Variants in VPS13B observed in about 807,000 individuals in gnomAD.
VPS13B encodes the protein intermembrane lipid transfer protein VPS13B.
Under a neutral mutation model 426.4 loss-of-function variants are expected in VPS13B, and 285 were observed. The ratio of observed to expected loss-of-function variants is 0.67; its 90% CI spans 0.61 to 0.74. The LOEUF (loss-of-function observed/expected upper bound fraction) is 0.74. Among genes scored for constraint, VPS13B ranks in the 30% least tolerant of loss-of-function variants. VPS13B has a pLI of 0.00. For synonymous variants in VPS13B, 1,676 were observed against 1,676.4 expected (o/e 1.00, Z 0.01); for missense variants, 4,537 against 4,782.6 (o/e 0.95, Z 1.51).
chr8:99,115,774 A>G lies in VPS13B; in HGVS notation c.837A>G (p.Gln279=). 3.1e-6 allele frequency: 5 copies of G among 1,613,734 alleles called. No homozygotes were observed. In the East Asian group the frequency reaches 6.7e-5, roughly 22 times the overall value. Residue 279 remains glutamine, a synonymous_variant, in exon 7 of 62, where the codon CAA becomes CAG. Coordinates refer to ENST00000357162, the MANE Select transcript of VPS13B (RefSeq NM_152564.5). ...TGCCTATGTTTATTCGTATAATGCA[A>G]CTTGGAATTGCTCTTTACTATGGAG... is the stretch of plus-strand genomic sequence containing the variant. ...QQLPMFIRIM[Q]LGIALYYGEI...
intron 21 of VPS13B, among the ~76,000 whole-genome samples, chr8:99,410,627 A>G (rs1237103086): frequency 1.3e-5 from 2 of 151,736 alleles, no homozygotes; most frequent in Non-Finnish European, 2.9e-5. Flanking sequence ...TGTTTGTTAC[A>G]TAGGTATACA....
At chr8:99,161,368 A>G (rs1258282874) in intron 15 of VPS13B, among the ~76,000 whole-genome samples, 3 of 152,214 alleles carry the variant, frequency 2.0e-5, no homozygotes, top group Non-Finnish European at 4.4e-5. Context: ...CTTATAGATA[A>G]ATGAAGTGAG....
At chr8:99,773,403 G>T (rs1358678103) in intron 40 of VPS13B, among the ~76,000 whole-genome samples, 1 of 152,100 alleles carries the variant, frequency 6.6e-6, no homozygotes, top group Non-Finnish European at 1.5e-5. Context: ...CCATAGAGAA[G>T]TGACATTCAG....
intron 3 of VPS13B, among the ~76,000 whole-genome samples, chr8:99,040,519 G>T (rs1842923468): frequency 6.6e-6 from 1 of 152,140 alleles, no homozygotes; most frequent in African/African-American, 2.4e-5. Flanking sequence ...GCTAGTGATT[G>T]GAATTAAATT....
intron 17 of VPS13B, among the ~76,000 whole-genome samples, chr8:99,250,981 A>G (rs1379934523): frequency 1.3e-5 from 2 of 151,964 alleles, no homozygotes; most frequent in African/African-American, 4.8e-5. Flanking sequence ...AGAAATTGAT[A>G]ATTTCTATTT....
At chr8:99,280,127 C>G (rs1819098098) in intron 19 of VPS13B, among the ~76,000 whole-genome samples, 1 of 152,098 alleles carries the variant, frequency 6.6e-6, no homozygotes, top group Non-Finnish European at 1.5e-5. Context: ...CCTGCTCTCT[C>G]TTTGCTCTGG....
chr8:99,281,725 A>G (rs893672705), intron 19 of VPS13B, among the ~76,000 whole-genome samples: 1 of 152,222 alleles, frequency 6.6e-6, no homozygotes, highest in African/African-American at 2.4e-5. Flanking sequence ...GTGGTAGCGT[A>G]TGATCTTAGG....
chr8:99,607,429 GT>G (rs1221859925), intron 33 of VPS13B, among the ~76,000 whole-genome samples: 1 of 152,188 alleles, frequency 6.6e-6, no homozygotes, highest in African/African-American at 2.4e-5. Context: ...AAATGTGGTA[GT>G]TTCATACACT....
In VPS13B at chr8:99,430,369, T is replaced by C. The variant is rs530362849; in HGVS notation, c.3083-1168T>C. On this transcript the variant is annotated intron_variant, in intron 21 of 61. Coordinates refer to ENST00000357162, the MANE Select transcript of VPS13B (RefSeq NM_152564.5). ...CATCCTAGGTTCTTCAAACTTAATT[T>C]ATTTAGGTCTGATTTATTTATTTTA... Among the ~76,000 whole-genome samples the C allele has an allele frequency of 7.9e-5, 12 of 152,262 alleles. No homozygotes were observed. In the East Asian group the frequency reaches 2.3e-3, roughly 29 times the overall value.
intron 3 of VPS13B, among the ~76,000 whole-genome samples, chr8:99,046,951 A>C (rs887999511): frequency 6.6e-6 from 1 of 152,042 alleles, no homozygotes; most frequent in African/African-American, 2.4e-5. Context: ...TAAGGATTTT[A>C]GCATCTATGT....
intron 3 of VPS13B, among the ~76,000 whole-genome samples, chr8:99,071,020 C>G (rs575639897): frequency 1.3e-5 from 2 of 152,032 alleles, no homozygotes; most frequent in African/African-American, 2.4e-5. Context: ...GTTCGTTGAG[C>G]TTAAAAATAA....
intron 34 of VPS13B, among the ~76,000 whole-genome samples, chr8:99,661,098 A>G (rs1351965245): frequency 6.6e-6 from 1 of 152,126 alleles, no homozygotes; most frequent in East Asian, 1.9e-4. Flanking sequence ...CTCATTTGTG[A>G]TATGAATTCA....
intron 16 of VPS13B, among the ~76,000 whole-genome samples, chr8:99,176,317 A>T (rs888439126): frequency 6.6e-6 from 1 of 152,018 alleles, no homozygotes; most frequent in African/African-American, 2.4e-5. Flanking sequence ...TTGTATTTTT[A>T]GTAGGGACGA....
intron 33 of VPS13B, among the ~76,000 whole-genome samples, chr8:99,630,291 A>G (rs1027247673): frequency 6.6e-6 from 1 of 151,900 alleles, no homozygotes; most frequent in African/African-American, 2.4e-5. Context: ...CAAATGGGAC[A>G]TTTTCTTTTC....
chr8:99,071,885 T>C (rs1367170535), intron 3 of VPS13B, among the ~76,000 whole-genome samples: 1 of 152,134 alleles, frequency 6.6e-6, no homozygotes, highest in African/African-American at 2.4e-5. Flanking sequence ...ACTGCATGGC[T>C]ACCAGTGATG....
Position 99,832,341 on chromosome 8 carries a change from A to ATTTTTTTTTTT in VPS13B, c.9331-13_9331-3dup, listed in dbSNP as rs370235149. 1.4e-4 allele frequency: 169 copies of ATTTTTTTTTTT among 1,195,134 alleles called. 1 individual carries two copies. The highest frequency in any genetic ancestry group is 3.3e-4 in the East Asian group (9 of 27,618). The allele number at this position is 1,195,134 out of a possible 1,614,324, so 74.0% of individuals were successfully genotyped here. On this transcript the variant is annotated intron_variant, in intron 51 of 61. Coordinates refer to ENST00000357162, the MANE Select transcript of VPS13B (RefSeq NM_152564.5). ...TTACTGTAGCTAATGTGCTCTCTGC[A>ATTTTTTTTTTT]TTTTTTTTTTTTTTTTTTTTTTTTT...
At chr8:99,792,257 T>C (rs1223456154) in intron 43 of VPS13B, among the ~76,000 whole-genome samples, 1 of 151,992 alleles carries the variant, frequency 6.6e-6, no homozygotes, top group African/African-American at 2.4e-5. Context: ...AACCCAAAAT[T>C]ACTTGACAGA....
intron 59 of VPS13B, among the ~76,000 whole-genome samples, chr8:99,870,477 C>A (rs1018195996): frequency 6.6e-6 from 1 of 152,158 alleles, no homozygotes; most frequent in Non-Finnish European, 1.5e-5. Flanking sequence ...TTTTTTAACA[C>A]ATCAATTAAA....
intron 2 of VPS13B, among the ~76,000 whole-genome samples, chr8:99,023,806 C>G (rs1587926718): frequency 6.6e-6 from 1 of 152,100 alleles, no homozygotes; most frequent in African/African-American, 2.4e-5. Context: ...ATCCATCATT[C>G]CTTTGTAGAT....
Sources: allele counts gnomAD v4.1 joint callset (sites outside exome capture counted in the v4.1 genomes callset), GRCh38; gene constraint gnomAD v4.1.1; transcripts MANE v1.5; gene names NCBI Gene and HGNC (gene_info 2026-07-23, HGNC 2026-07-21).